DDR2: variants seen among roughly 807,000 people sequenced by gnomAD.
DDR2 encodes the protein discoidin domain receptor tyrosine kinase 2, also known as discoidin domain-containing receptor 2.
Under a neutral mutation model 94.9 loss-of-function variants are expected in DDR2, and 27 were observed. The ratio of observed to expected loss-of-function variants is 0.28; its 90% CI spans 0.21 to 0.39. DDR2 has a LOEUF of 0.39. Ranked by LOEUF, DDR2 falls within the 10% of genes least tolerant of loss-of-function variation. The pLI, the probability that DDR2 is intolerant of heterozygous loss-of-function variation, is 1.00. For missense variants in DDR2, 783 were observed against 1,076.0 expected (o/e 0.73, Z 3.81); for synonymous variants, 382 against 377.2 (o/e 1.01, Z -0.15).
chr1:162,776,491 G>T (rs1647559358), intron 16 of DDR2, 121 bp downstream of exon 16: 1 of 848,234 alleles, frequency 1.2e-6, no homozygotes, highest in Non-Finnish European at 1.8e-6. Context: ...TATTTTCTCT[G>T]ATTTGAAATT....
At chr1:162,672,786 G>A (rs757508335) in intron 2 of DDR2, among the ~76,000 whole-genome samples, 18 of 151,934 alleles carry the variant, frequency 1.2e-4, no homozygotes, top group Non-Finnish European at 2.4e-4. Context: ...CAATGTTCTG[G>A]CGGCCATTCT....
At chr1:162,646,250 C>A (rs1019915580) in intron 1 of DDR2, among the ~76,000 whole-genome samples, 1 of 152,136 alleles carries the variant, frequency 6.6e-6, no homozygotes, top group African/African-American at 2.4e-5. Context: ...TTGTGGACTG[C>A]AAGATATTTA....
intron 2 of DDR2, among the ~76,000 whole-genome samples, chr1:162,671,178 G>A (rs1320486572): frequency 6.6e-6 from 1 of 152,054 alleles, no homozygotes; most frequent in Admixed American, 6.5e-5. Flanking sequence ...CAGTGGTCGG[G>A]AGAGGAGAAG....
In DDR2 at chr1:162,784,395, T is replaced by C. The variant is rs1326428836; in HGVS notation, c.*4149T>C. ...ACCTGGAATTTGCCATCCTAGTCTT[T>C]CCTTTTTAGTAAGACTTCTGTCCTC... On this transcript the variant is annotated 3_prime_UTR_variant, in exon 18 of 18. Coordinates refer to ENST00000367921, the MANE Select transcript of DDR2 (RefSeq NM_006182.4). 6.5e-6 allele frequency: 1 copy of C among 154,150 alleles called. No individual in the cohort carries two copies. Among genetic ancestry groups the C allele is most frequent in the Non-Finnish European group, 1.5e-5 (1 of 68,144 alleles). The allele number at this position is 154,150 out of a possible 1,614,324, so 9.5% of individuals were successfully genotyped here.
At chr1:162,656,838 T>TTTTTG (rs2101911678) in intron 2 of DDR2, among the ~76,000 whole-genome samples, 1 of 113,912 alleles carries the variant, frequency 8.8e-6, no homozygotes, top group East Asian at 2.5e-4. Flanking sequence ...CTGGAGTTTT[T>TTTTTG]TTTTTTTTTT....
intron 2 of DDR2, among the ~76,000 whole-genome samples, chr1:162,666,970 A>G (rs73018590): frequency 1.3e-5 from 2 of 150,726 alleles, no homozygotes; most frequent in Non-Finnish European, 3.0e-5. Flanking sequence ...ATATATATAT[A>G]TCTCCATGCA....
chr1:162,737,515 T>C (rs1456330071), intron 3 of DDR2, among the ~76,000 whole-genome samples: 18 of 135,652 alleles, frequency 1.3e-4, no homozygotes, highest in Non-Finnish European at 2.7e-4. Flanking sequence ...TGCATAGTAT[T>C]CCATGGTGTA....
chr1:162,713,551 A>G (rs942451193), intron 2 of DDR2, among the ~76,000 whole-genome samples: 3 of 152,180 alleles, frequency 2.0e-5, no homozygotes, highest in Non-Finnish European at 2.9e-5. Context: ...TCTTATATAT[A>G]TATAAATGTA....
intron 2 of DDR2, among the ~76,000 whole-genome samples, chr1:162,679,166 G>GTT (rs111682863): frequency 2.7e-5 from 4 of 148,918 alleles, no homozygotes; most frequent in African/African-American, 9.9e-5. Flanking sequence ...TACCCAATAG[G>GTT]TTTTTTTTTT....
intron 1 of DDR2, among the ~76,000 whole-genome samples, chr1:162,651,995 C>T (rs1299203332): frequency 2.6e-5 from 4 of 152,228 alleles, no homozygotes; most frequent in African/African-American, 7.2e-5. Flanking sequence ...TTCGCTACAT[C>T]ATGGGAAGGG....
Position 162,766,064 on chromosome 1 carries a change from G to C in DDR2, c.1162+1G>C, listed in dbSNP as rs2102169680. 1 of 1,613,754 alleles carries C rather than the reference G, an allele frequency of 6.2e-7. No individual in the cohort carries two copies. The highest frequency in any genetic ancestry group is 1.1e-5 in the South Asian group (1 of 91,070). ...TCTCCTATGGCACCCACAACCTATG[G>C]TATATGTGATTCCTAATTACACAAA... On this transcript the variant is annotated splice_donor_variant, in intron 10 of 17. Coordinates refer to ENST00000367921, the MANE Select transcript of DDR2 (RefSeq NM_006182.4). LOFTEE classifies it high-confidence loss of function.
chr1:162,694,318 C>T (rs1005393292), intron 2 of DDR2, among the ~76,000 whole-genome samples: 12 of 152,158 alleles, frequency 7.9e-5, no homozygotes, highest in African/African-American at 1.9e-4. Context: ...TCTGCTTTGC[C>T]GTACACTCCG....
intron 2 of DDR2, among the ~76,000 whole-genome samples, chr1:162,670,818 G>C (rs1273274053): frequency 6.6e-6 from 1 of 152,164 alleles, no homozygotes; most frequent in Non-Finnish European, 1.5e-5. Flanking sequence ...GCTTCTCTCT[G>C]ATTTGCCAGA....
Position 162,658,798 on chromosome 1 carries a change from G to A in DDR2, c.-28+3424G>A, listed in dbSNP as rs180899178. On this transcript the variant is annotated intron_variant, in intron 2 of 17. Transcript: ENST00000367921. ...GCCCTGTTCACATCATTGCACTCCA[G>A]CCTGGGTGACAGAATGAGACCCTGT... Among the ~76,000 whole-genome samples, 110 of 79,696 alleles carry A rather than the reference G, an allele frequency of 1.4e-3. 1 individual carries two copies. Among genetic ancestry groups the A allele is most frequent in the African/African-American group, 4.0e-3 (107 of 26,460 alleles). The allele number at this position is 79,696 out of a possible 152,430, so 52.3% of individuals were successfully genotyped here. A position where few individuals can be genotyped will look rare whatever the true frequency, so the allele number is the denominator to read the frequency against.
intron 3 of DDR2, among the ~76,000 whole-genome samples, chr1:162,748,051 A>G (rs1662974367): frequency 6.6e-6 from 1 of 152,266 alleles, no homozygotes; most frequent in Non-Finnish European, 1.5e-5. Flanking sequence ...AAAACATGCC[A>G]AATTGTAAAC....
chr1:162,758,003 A>T lies in DDR2; in HGVS notation c.672-1793A>T, dbSNP rs138075338. On this transcript the variant is annotated intron_variant, in intron 7 of 17. Transcript: ENST00000367921. ...TACCTTGCGCCAAGCATTTTCCATTACTATGAAGAGAAGTATAATTTATGG... is the reference window on the plus strand; with the variant it reads ...TACCTTGCGCCAAGCATTTTCCATTTCTATGAAGAGAAGTATAATTTATGG... Among the ~76,000 whole-genome samples the T allele has an allele frequency of 5.8e-4, 88 of 152,272 alleles. 1 individual carries two copies. Among genetic ancestry groups the T allele is most frequent in the African/African-American group, 2.0e-3 (85 of 41,566 alleles).
At chr1:162,721,463 G>C (rs372477724) in intron 3 of DDR2, among the ~76,000 whole-genome samples, 4 of 152,282 alleles carry the variant, frequency 2.6e-5, no homozygotes, top group African/African-American at 9.6e-5. Flanking sequence ...ATTTTACCAA[G>C]TCAAACCAGA....
Position 162,776,381 on chromosome 1 carries a change from A to G in DDR2, c.2283+11A>G. ...GAGAGTATCTTGCTGGTAAGTTCTC[A>G]GCATTTTAAAGCCCTGTCTAACAAC... On this transcript the variant is annotated intron_variant, in intron 16 of 17. Transcript: ENST00000367921. The G allele has an allele frequency of 6.2e-7, 1 of 1,613,748 alleles. No homozygotes were observed. Among genetic ancestry groups the G allele is most frequent in the Non-Finnish European group, 8.5e-7 (1 of 1,179,702 alleles).
At chr1:162,731,286 A>G (rs1387044559) in intron 3 of DDR2, among the ~76,000 whole-genome samples, 2 of 152,210 alleles carry the variant, frequency 1.3e-5, no homozygotes, top group Non-Finnish European at 2.9e-5. Context: ...GTTGAAACCC[A>G]TCATCAGCCA....
Sources: gnomAD v4.1 joint callset for allele counts (sites outside exome capture counted in the v4.1 genomes callset) on GRCh38, gnomAD v4.1.1 for gene constraint, MANE v1.5 for transcripts, NCBI Gene and HGNC (gene_info 2026-07-23, HGNC 2026-07-21) for gene names.